The following ARSG variants were observed in gnomAD, a reference collection of about 807,000 sequenced individuals.
The protein encoded by ARSG is ASG.
In ARSG, 37 loss-of-function variants were observed where a neutral mutation model predicts 50.5. The ratio of observed to expected loss-of-function variants is 0.73; its 90% confidence interval spans 0.56 to 0.96. The LOEUF (loss-of-function observed/expected upper bound fraction) is 0.96. ARSG is among the 50% of genes least tolerant of loss of function. The probability of loss-of-function intolerance (pLI) is 0.00; values close to 1 mark genes in which losing one functional copy is unlikely to be tolerated. For missense variants in ARSG, 629 were observed against 675.3 expected, an observed-to-expected ratio of 0.93 and a Z score of 0.76; for synonymous variants, 225 against 254.6, an observed-to-expected ratio of 0.88 and a Z score of 1.11.
At chr17:68,279,252 G>A (rs117145993) in intron 1 of ARSG, among the ~76,000 whole-genome samples, 3,626 of 152,054 alleles carry the variant, frequency 0.024, 67 homozygotes, top group Non-Finnish European at 0.03. Context: ...ACCTTCCACC[G>A]AGTAAGTGTT....
chr17:68,267,245 T>C (rs1185517820), intron 1 of ARSG: 1 of 152,220 alleles, frequency 6.6e-6, no homozygotes, highest in Non-Finnish European at 1.5e-5. Flanking sequence ...TAAATTGTAT[T>C]GAACATTCAT....
At chr17:68,295,365 T>TA (rs1377366467) in intron 1 of ARSG, among the ~76,000 whole-genome samples, 2 of 152,170 alleles carry the variant, frequency 1.3e-5, no homozygotes, top group African/African-American at 4.8e-5. Context: ...TGTCTGTCAT[T>TA]AACTCTGAAG....
At chr17:68,327,290 C>T (rs1246184851) in intron 2 of ARSG, among the ~76,000 whole-genome samples, 3 of 152,074 alleles carry the variant, frequency 2.0e-5, no homozygotes, top group Non-Finnish European at 4.4e-5. Context: ...CGTTTTGAGG[C>T]CTGCTGTAAC....
intron 6 of ARSG, among the ~76,000 whole-genome samples, chr17:68,358,136 T>C (rs887394655): frequency 2.6e-5 from 4 of 151,348 alleles, no homozygotes; most frequent in South Asian, 2.1e-4. Context: ...CTGGGAGGCA[T>C]AGGTTGCAGT....
intron 11 of ARSG, 124 bp from the exon 12 acceptor site, chr17:68,420,065 C>T: frequency 1.8e-6 from 2 of 1,090,438 alleles, no homozygotes; most frequent in South Asian, 3.0e-5. Context: ...CAGAGAGAGC[C>T]ATCATTGGAA....
At chr17:68,330,658 G>A (rs1006115253) in intron 2 of ARSG, among the ~76,000 whole-genome samples, 1 of 152,102 alleles carries the variant, frequency 6.6e-6, no homozygotes, top group Non-Finnish European at 1.5e-5. Context: ...TCTAAAGAAA[G>A]CCCAGATAAA....
At chr17:68,298,833 C>A (rs2076304433) in intron 1 of ARSG, among the ~76,000 whole-genome samples, 1 of 151,992 alleles carries the variant, frequency 6.6e-6, no homozygotes, top group Admixed American at 6.6e-5. Context: ...AGGCACTAAT[C>A]CCATTATCTC....
At chr17:68,348,301 C>T (rs558516467) in intron 4 of ARSG, among the ~76,000 whole-genome samples, 2 of 152,232 alleles carry the variant, frequency 1.3e-5, no homozygotes, top group African/African-American at 4.8e-5. Flanking sequence ...AGGGGTTGGA[C>T]CAGATCAGGT....
At chr17:68,410,772 A>G (rs2081963667) in intron 11 of ARSG, among the ~76,000 whole-genome samples, 2 of 152,128 alleles carry the variant, frequency 1.3e-5, no homozygotes, top group African/African-American at 4.8e-5. Flanking sequence ...TTTGGTTGGT[A>G]AACTATTGAT....
chr17:68,390,898 A>G (rs2080960640), intron 9 of ARSG, among the ~76,000 whole-genome samples: 1 of 147,282 alleles, frequency 6.8e-6, no homozygotes, highest in South Asian at 2.1e-4. Flanking sequence ...AAGTGCTGAG[A>G]TTACAACTGT....
rs1046839812 is a variant in ARSG at position 68,367,518 on chromosome 17, G to A, written c.705-1030G>A. Among the ~76,000 whole-genome samples, 2 of 152,176 alleles carry A rather than the reference G, an allele frequency of 1.3e-5. No individual in the cohort carries two copies. Among genetic ancestry groups the A allele is most frequent in the African/African-American group, 4.8e-5 (2 of 41,448 alleles). On this transcript the variant is annotated intron_variant, in intron 6 of 11. Transcript: ENST00000621439. The surrounding 1 kb of genome is among the most constrained non-coding windows in gnomAD (Gnocchi z 4.5). ...CCCCCATGGATGGATCTGTGGGAGA[G>A]GGGCCCCCTGAAGGTCCCTGCCACC...
Position 68,271,434 on chromosome 17 carries a change from T to C in ARSG, c.-552+12008T>C. 1.2e-6 allele frequency: 2 copies of C among 1,614,242 alleles called. No homozygotes were observed. Among genetic ancestry groups the C allele is most frequent in the African/African-American group, 1.3e-5 (1 of 75,074 alleles). Reference sequence around the variant, plus strand: ...CATTTTTAGGTGAGGTAGTTAGTTCTACTCCTGAGTCAATGGAGTCTATTG... The same window carrying C: ...CATTTTTAGGTGAGGTAGTTAGTTCCACTCCTGAGTCAATGGAGTCTATTG... On this transcript the variant is annotated intron_variant, in intron 1 of 11. Coordinates refer to the ARSG transcript ENST00000448504. This position sits in a 1 kb window ranked among gnomAD's most constrained non-coding sequence, Gnocchi z 5.3.
chr17:68,382,532 G>C (rs1333604993), intron 8 of ARSG, among the ~76,000 whole-genome samples: 1 of 152,160 alleles, frequency 6.6e-6, no homozygotes, highest in Non-Finnish European at 1.5e-5. Flanking sequence ...AATATTGGGG[G>C]ATCAGGAGTA....
chr17:68,287,854 G>A (rs754320018), upstream of ARSG, among the ~76,000 whole-genome samples: 10 of 152,042 alleles, frequency 6.6e-5, no homozygotes, highest in East Asian at 1.9e-4. Context: ...TTAAAAAACC[G>A]AGTCATAAGG....
intron 10 of ARSG, 196 bp from the exon 11 acceptor site, chr17:68,401,164 A>G (rs2081453789): frequency 1.8e-6 from 1 of 558,380 alleles, no homozygotes; most frequent in Non-Finnish European, 3.2e-6. Flanking sequence ...CTAGGACCAC[A>G]GGTGTGCACC....
the ARSG span, chr17:68,434,549 C>G: frequency 1.9e-6 from 3 of 1,613,786 alleles, no homozygotes; most frequent in Non-Finnish European, 2.5e-6. Flanking sequence ...TGACATTGAA[C>G]ACAGACCTTT....
chr17:68,332,369 T>C (rs1011165785), intron 2 of ARSG, among the ~76,000 whole-genome samples: 6 of 152,220 alleles, frequency 3.9e-5, no homozygotes, highest in African/African-American at 1.4e-4. Context: ...TTTTTCAAGA[T>C]GCCCAGATTT....
At chr17:68,369,826 C>T (rs765205305) in intron 7 of ARSG, among the ~76,000 whole-genome samples, 34 of 151,956 alleles carry the variant, frequency 2.2e-4, no homozygotes, top group Non-Finnish European at 3.2e-4. Flanking sequence ...AATGAGATTG[C>T]TGAAACCTTA....
At chr17:68,281,073 C>T (rs1372326825) in intron 1 of ARSG, among the ~76,000 whole-genome samples, 1 of 149,950 alleles carries the variant, frequency 6.7e-6, no homozygotes, top group African/African-American at 2.5e-5. Flanking sequence ...TTGCAGTGAG[C>T]TGAGATCATG....
Sources: gnomAD v4.1 joint callset for allele counts (sites outside exome capture counted in the v4.1 genomes callset) on GRCh38, gnomAD v4.1.1 for gene constraint, Gnocchi (gnomAD v3.1) non-coding constraint, MANE v1.5 for transcripts, NCBI Gene and HGNC (gene_info 2026-07-23, HGNC 2026-07-21) for gene names.